ANK3: variants seen among roughly 807,000 people sequenced by gnomAD.
The protein encoded by ANK3 is ankyrin 3.
Under a neutral mutation model 370.9 loss-of-function variants are expected in ANK3, and 57 were observed. The observed-to-expected ratio is 0.15, with a 90% CI of 0.12 to 0.19. ANK3 has a LOEUF of 0.19. Ranked by LOEUF, ANK3 falls within the 10% of genes least tolerant of loss-of-function variation. The probability of loss-of-function intolerance (pLI) is 1.00; values close to 1 mark genes in which losing one functional copy is unlikely to be tolerated. For synonymous variants in ANK3, 1,929 were observed against 1,946.3 expected (o/e 0.99, Z 0.23); for missense variants, 4,439 against 5,302.1 (o/e 0.84, Z 5.06).
chr10:60,450,924 C>G (rs768580606), intron 2 of ANK3, among the ~76,000 whole-genome samples: 2 of 152,188 alleles, frequency 1.3e-5, no homozygotes, highest in African/African-American at 2.4e-5. Context: ...CACTTGGGAA[C>G]CTCAGAATGT....
At chr10:60,336,374 A>G (rs575541612) in intron 1 of ANK3, among the ~76,000 whole-genome samples, 5 of 152,340 alleles carry the variant, frequency 3.3e-5, no homozygotes, top group East Asian at 1.9e-4. Flanking sequence ...CCCTCAATTC[A>G]GTAAATCATA....
intron 2 of ANK3, among the ~76,000 whole-genome samples, chr10:60,442,106 T>G (rs2064314513): frequency 6.6e-6 from 1 of 151,380 alleles, no homozygotes; most frequent in Admixed American, 6.6e-5. Context: ...CTTTTTTTTT[T>G]TTTTTTTGAG....
chr10:60,613,413 G>A (rs184311086), intron 2 of ANK3, among the ~76,000 whole-genome samples: 21 of 152,166 alleles, frequency 1.4e-4, no homozygotes, highest in Admixed American at 1.3e-4. Context: ...GTTAGTTAAC[G>A]TATGGCTCCA....
chr10:60,398,911 AG>A (rs1304709485), intron 2 of ANK3, among the ~76,000 whole-genome samples: 2 of 152,170 alleles, frequency 1.3e-5, no homozygotes, highest in Non-Finnish European at 2.9e-5. Flanking sequence ...TAGGGTGGGG[AG>A]AGGGCATAGG....
chr10:60,294,913 T>C (rs1284587222), intron 1 of ANK3, among the ~76,000 whole-genome samples: 1 of 152,156 alleles, frequency 6.6e-6, no homozygotes, highest in Non-Finnish European at 1.5e-5. Flanking sequence ...AGGAAACATG[T>C]AGTAAAGAAA....
intron 2 of ANK3, among the ~76,000 whole-genome samples, chr10:60,591,428 C>T (rs1313430937): frequency 6.6e-6 from 1 of 151,482 alleles, no homozygotes; most frequent in African/African-American, 2.4e-5. Context: ...CAGCCTTGAC[C>T]TCCCAGGCTC....
chr10:60,492,870 A>G (rs2075555060), intron 2 of ANK3, among the ~76,000 whole-genome samples: 1 of 150,884 alleles, frequency 6.6e-6, no homozygotes, highest in African/African-American at 2.4e-5. Context: ...AGGTCAGGAG[A>G]TCGAGACCAT....
At position 60,431,518 on chromosome 10, in the gene ANK3, C is replaced by T. The variant is rs573330367; in HGVS notation, c.97-151879G>A. On this transcript the variant is annotated intron_variant, in intron 2 of 43. Coordinates refer to the ANK3 transcript ENST00000373827. ...CAGACCACTACTGGGGAATAAGGAC[C>T]CCCGAAGTAAAGTATTTATCATAAT... 5.3e-5 allele frequency among the ~76,000 whole-genome samples: 8 copies of T among 152,170 alleles called. No individual in the cohort carries two copies. The South Asian group carries it at 1.5e-3, about 28-fold the overall frequency.
In ANK3 at chr10:60,389,799, C is replaced by G. The variant is rs1009705774; in HGVS notation, c.-261G>C. ...AGTGCAGCCATCGTAATGCATTTAC[C>G]GTAGTGAAGAAGACAGCTGGGACAG... is the stretch of plus-strand genomic sequence containing the variant. On this transcript the variant is annotated 5_prime_UTR_variant, in exon 1 of 44. Transcript: ENST00000280772. 1 of 1,264,258 alleles carries G rather than the reference C, an allele frequency of 7.9e-7. No individual in the cohort carries two copies. The highest frequency in any genetic ancestry group is 1.0e-6 in the Non-Finnish European group (1 of 1,001,774). The allele number at this position is 1,264,258 out of a possible 1,614,324, so 78.3% of individuals were successfully genotyped here.
intron 21 of ANK3, among the ~76,000 whole-genome samples, chr10:60,170,628 T>C (rs1326274025): frequency 2.6e-5 from 4 of 152,182 alleles, no homozygotes; most frequent in Admixed American, 2.6e-4. Flanking sequence ...ATGCATAGTG[T>C]CTTCTCTCTT....
chr10:60,206,366 G>A (rs551175666), intron 10 of ANK3, among the ~76,000 whole-genome samples: 13 of 152,258 alleles, frequency 8.5e-5, no homozygotes, highest in Admixed American at 3.3e-4. Flanking sequence ...CCAGCTACTT[G>A]GGAGGCTGAG....
intron 1 of ANK3, among the ~76,000 whole-genome samples, chr10:60,333,796 T>G (rs1355613446): frequency 2.0e-5 from 3 of 152,190 alleles, no homozygotes; most frequent in African/African-American, 7.2e-5. Flanking sequence ...CTCCACATCC[T>G]CTCCAGCATC....
At chr10:60,184,507 C>T (rs758342721) in intron 17 of ANK3, among the ~76,000 whole-genome samples, 2 of 152,182 alleles carry the variant, frequency 1.3e-5, no homozygotes, top group Non-Finnish European at 2.9e-5. Context: ...GTTCAACATG[C>T]TAATGGAAAG....
intron 2 of ANK3, among the ~76,000 whole-genome samples, chr10:60,555,053 A>T (rs2077177144): frequency 6.6e-6 from 1 of 152,220 alleles, no homozygotes. Context: ...CAGGCTGGGA[A>T]TAAGAGACAC....
chr10:60,159,253 G>A (rs897990305), intron 23 of ANK3, among the ~76,000 whole-genome samples: 5 of 135,120 alleles, frequency 3.7e-5, no homozygotes, highest in South Asian at 2.4e-4. Flanking sequence ...TGCAAATAGA[G>A]GCCAAAAAAG....
chr10:60,219,709 C>T (rs1278439026), intron 8 of ANK3, among the ~76,000 whole-genome samples: 1 of 152,100 alleles, frequency 6.6e-6, no homozygotes, highest in African/African-American at 2.4e-5. Context: ...GTACTTAATA[C>T]CTACCCTAAG....
chr10:60,210,141 T>C (rs2096829856), intron 9 of ANK3, among the ~76,000 whole-genome samples: 1 of 152,218 alleles, frequency 6.6e-6, no homozygotes, highest in Admixed American at 6.5e-5. Flanking sequence ...CCTACTGTGT[T>C]CTGCGCATGA....
intron 1 of ANK3, among the ~76,000 whole-genome samples, chr10:60,639,997 G>C (rs773047918): frequency 7.9e-5 from 12 of 151,776 alleles, no homozygotes; most frequent in Non-Finnish European, 1.0e-4. Context: ...CAGGTTAAAA[G>C]TAAAATGACG....
chr10:60,506,617 CT>C (rs1372735608), intron 2 of ANK3, among the ~76,000 whole-genome samples: 1 of 152,086 alleles, frequency 6.6e-6, no homozygotes, highest in East Asian at 1.9e-4. Context: ...GAATTAAATA[CT>C]TGTGTGACCA....
Sources: allele counts gnomAD v4.1 joint callset (sites outside exome capture counted in the v4.1 genomes callset), GRCh38; gene constraint gnomAD v4.1.1; transcripts MANE v1.5; gene names NCBI Gene and HGNC (gene_info 2026-07-23, HGNC 2026-07-21).